RBFOX1: variants seen among roughly 807,000 people sequenced by gnomAD.
RBFOX1 encodes the protein RNA binding protein fox-1 homolog 1.
RBFOX1 carries 8 observed loss-of-function variants against 57.7 expected under a neutral mutation model. The observed-to-expected ratio is 0.14, with a 90% CI of 0.08 to 0.25. The LOEUF is 0.25. Ranked by LOEUF, RBFOX1 falls within the 10% of genes least tolerant of loss-of-function variation. The probability of loss-of-function intolerance (pLI) is 1.00; values close to 1 mark genes in which losing one functional copy is unlikely to be tolerated. For missense variants in RBFOX1, 611 were observed against 548.5 expected, an observed-to-expected ratio of 1.11 and a Z score of -1.14; for synonymous variants, 326 against 222.4, an observed-to-expected ratio of 1.47 and a Z score of -4.15.
chr16:7,014,742 C>G (rs754729352), intron 3 of RBFOX1, among the ~76,000 whole-genome samples: 1 of 150,428 alleles, frequency 6.6e-6, no homozygotes, highest in Non-Finnish European at 1.5e-5. Context: ...GTTGTTTTTT[C>G]GAGATGGAGT....
Position 6,593,941 on chromosome 16 carries a change from T to A in RBFOX1, c.-63-60662T>A, listed in dbSNP as rs1324654425. Among the ~76,000 whole-genome samples, 3 of 152,178 alleles carry A rather than the reference T, an allele frequency of 2.0e-5. No homozygotes were observed. The East Asian group carries it at 5.8e-4, about 29-fold the overall frequency. On this transcript the variant is annotated intron_variant, in intron 2 of 15. Coordinates refer to ENST00000550418, the MANE Select transcript of RBFOX1 (RefSeq NM_018723.4). ...GCATTGTAGACTCCACCCCAATGCT[T>A]TTGTTCAATTTGGCGTTTAGGATTA... is the stretch of plus-strand genomic sequence containing the variant.
chr16:7,300,439 G>C (rs566072038), intron 4 of RBFOX1, among the ~76,000 whole-genome samples: 1 of 152,278 alleles, frequency 6.6e-6, no homozygotes, highest in African/African-American at 2.4e-5. Flanking sequence ...AATGAAGATG[G>C]AGACTATATT....
At chr16:7,661,362 C>G (rs2067671279) in intron 12 of RBFOX1, among the ~76,000 whole-genome samples, 1 of 152,144 alleles carries the variant, frequency 6.6e-6, no homozygotes, top group Non-Finnish European at 1.5e-5. Context: ...ATACGTTTCC[C>G]CCCAGCCCTC....
At position 7,144,417 on chromosome 16, in the gene RBFOX1, C is replaced by CTT. The variant is rs1190886141; in HGVS notation, c.27+92339_27+92340dup. ...TCTTTTCTCTTTCTTTTTCTTTCTT[C>CTT]TTTTTTTTTTTTTTTTTTTTTGAGT... On this transcript the variant is annotated intron_variant, in intron 4 of 15. Coordinates refer to ENST00000550418, the MANE Select transcript of RBFOX1 (RefSeq NM_018723.4). Among the ~76,000 whole-genome samples, 200 of 66,936 alleles carry CTT rather than the reference C, an allele frequency of 3.0e-3. 3 individuals are homozygous for CTT. The highest frequency in any genetic ancestry group is 0.016 in the Middle Eastern group (1 of 64). 43.9% of individuals were successfully genotyped at this position (66,936 alleles called of 152,430 possible).
intron 3 of RBFOX1, among the ~76,000 whole-genome samples, chr16:7,016,917 C>T (rs926569711): frequency 6.6e-6 from 1 of 152,150 alleles, no homozygotes; most frequent in Non-Finnish European, 1.5e-5. Context: ...TGAAATCCCT[C>T]ACTGGCATTT....
chr16:5,474,654 C>CAA (rs527739074), intron 2 of RBFOX1, among the ~76,000 whole-genome samples: 5 of 127,440 alleles, frequency 3.9e-5, no homozygotes, highest in African/African-American at 8.5e-5. Flanking sequence ...GACTTCGTCT[C>CAA]AAAAAAAAAA....
At chr16:6,652,936 C>T (rs991000609) in intron 2 of RBFOX1, among the ~76,000 whole-genome samples, 15 of 152,152 alleles carry the variant, frequency 9.9e-5, no homozygotes, top group Admixed American at 9.2e-4. Flanking sequence ...GGTAATAAAA[C>T]TCTGAGTGGT....
At chr16:6,350,051 C>A (rs1343153081) in intron 2 of RBFOX1, among the ~76,000 whole-genome samples, 2 of 151,928 alleles carry the variant, frequency 1.3e-5, no homozygotes, top group African/African-American at 4.8e-5. Context: ...TTCTCAAAGC[C>A]CTTAAAATTT....
rs181760808 is a variant in RBFOX1 at position 7,699,462 on chromosome 16, G to A, written c.996-9594G>A. The stretch of plus-strand genomic sequence containing the variant: ...CCCCTTTGGCCTACCAAAGTCCTGC[G>A]AGTACAGGCACGGGCCCACCACACC... On this transcript the variant is annotated intron_variant, in intron 14 of 15. Transcript: ENST00000550418. Among the ~76,000 whole-genome samples the A allele has an allele frequency of 1.8e-4, 27 of 152,114 alleles. 1 individual carries two copies. The highest frequency in any genetic ancestry group is 6.6e-4 in the Admixed American group (10 of 15,264).
chr16:5,519,486 A>G (rs372659050), intron 2 of RBFOX1, among the ~76,000 whole-genome samples: 158 of 152,296 alleles, frequency 1.0e-3, no homozygotes, highest in East Asian at 7.5e-3. Context: ...TGCTCTGGGA[A>G]GCTGAGATGG....
chr16:6,146,587 G>T (rs1213789191), intron 1 of RBFOX1, among the ~76,000 whole-genome samples: 1 of 152,180 alleles, frequency 6.6e-6, no homozygotes, highest in Non-Finnish European at 1.5e-5. Context: ...TGCTTTTAGA[G>T]AGAGTAGGTG....
intron 4 of RBFOX1, among the ~76,000 whole-genome samples, chr16:7,165,366 G>A (rs2079207195): frequency 8.1e-6 from 1 of 123,754 alleles, no homozygotes; most frequent in Non-Finnish European, 1.7e-5. Context: ...GGCTACTAGA[G>A]GCCCAGATCA....
intron 4 of RBFOX1, among the ~76,000 whole-genome samples, chr16:7,398,253 G>T (rs576897038): frequency 2.2e-4 from 33 of 152,192 alleles, no homozygotes; most frequent in Admixed American, 2.2e-3. Flanking sequence ...CAGGAGCATA[G>T]GGTTGAATCT....
In RBFOX1 at chr16:7,571,622, C is replaced by G. The variant is rs185580240; in HGVS notation, c.271-8155C>G. Among the ~76,000 whole-genome samples the G allele has an allele frequency of 4.3e-3, 657 of 152,184 alleles. 5 individuals are homozygous for G. The highest frequency in any genetic ancestry group is 0.015 in the African/African-American group (615 of 41,520). On this transcript the variant is annotated intron_variant, in intron 5 of 15. Transcript: ENST00000550418. The stretch of plus-strand genomic sequence containing the variant: ...GTTTGTGTATTAAGAAAAATTCTGC[C>G]GCACAGATCCCGCCTCCTAATAAGG...
At chr16:7,030,656 C>G (rs1274928581) in intron 3 of RBFOX1, among the ~76,000 whole-genome samples, 2 of 152,190 alleles carry the variant, frequency 1.3e-5, no homozygotes, top group African/African-American at 2.4e-5. Flanking sequence ...ATGATTTTCT[C>G]TTGATCCTTA....
chr16:7,431,773 A>G (rs1385005496), intron 4 of RBFOX1, among the ~76,000 whole-genome samples: 2 of 152,204 alleles, frequency 1.3e-5, no homozygotes, highest in Non-Finnish European at 1.5e-5. Flanking sequence ...GGCCTGCTTT[A>G]GACCCACATT....
At chr16:7,179,794 G>T (rs540124881) in intron 4 of RBFOX1, among the ~76,000 whole-genome samples, 1 of 151,992 alleles carries the variant, frequency 6.6e-6, no homozygotes, top group African/African-American at 2.4e-5. Context: ...GAATGCAGTG[G>T]CATGATCTCG....
chr16:6,978,655 T>A lies in RBFOX1; in HGVS notation c.-15-73402T>A, dbSNP rs557122243. 2.0e-5 allele frequency among the ~76,000 whole-genome samples: 3 copies of A among 152,326 alleles called. No individual in the cohort carries two copies. In the South Asian group the frequency reaches 6.2e-4, roughly 32 times the overall value. On this transcript the variant is annotated intron_variant, in intron 3 of 15. Transcript: ENST00000550418. Reference sequence around the variant, plus strand: ...CGTTTTAATGTCCTCATGATGATTTTGTTGTCCCTTTCTTACCGACTTGGA... The same window carrying A: ...CGTTTTAATGTCCTCATGATGATTTAGTTGTCCCTTTCTTACCGACTTGGA...
intron 4 of RBFOX1, among the ~76,000 whole-genome samples, chr16:6,013,510 A>T (rs111975125): frequency 6.6e-6 from 1 of 152,118 alleles, no homozygotes; most frequent in Non-Finnish European, 1.5e-5. Context: ...GCCTGGCTAC[A>T]TGGAGATGAG....
Sources: gnomAD v4.1 joint callset for allele counts (sites outside exome capture counted in the v4.1 genomes callset) on GRCh38, gnomAD v4.1.1 for gene constraint, MANE v1.5 for transcripts, NCBI Gene and HGNC (gene_info 2026-07-23, HGNC 2026-07-21) for gene names.